The following NSUN6 variants were observed in gnomAD, a reference collection of about 807,000 sequenced individuals.
The protein encoded by NSUN6 is tRNA (cytosine(72)-C(5))-methyltransferase NSUN6.
NSUN6 carries 64 observed loss-of-function variants against 58.0 expected under a neutral mutation model. That is an observed-to-expected ratio of 1.10 (90% CI 0.90 to 1.36). NSUN6 has a LOEUF of 1.36. NSUN6 is among the 40% of genes most tolerant of loss of function. The pLI, the probability that NSUN6 is intolerant of heterozygous loss-of-function variation, is 0.00. For synonymous variants in NSUN6, 231 were observed against 193.9 expected (o/e 1.19, Z -1.59); for missense variants, 701 against 550.1 (o/e 1.27, Z -2.74).
chr10:18,642,551 A>C lies in NSUN6; in HGVS notation c.236T>G (p.Phe79Cys). 1 of 1,440,066 alleles carries C rather than the reference A, an allele frequency of 6.9e-7. No homozygotes were observed. Among genetic ancestry groups the C allele is most frequent in the Non-Finnish European group, 9.8e-7 (1 of 1,024,022 alleles). The allele number at this position is 1,440,066 out of a possible 1,614,324, so 89.2% of individuals were successfully genotyped here. ...AAGAATAGGAACACTTAATCCATTA[A>C]ACTGCTGTTAAAGATAAACATGATT... Reference protein sequence around the residue: ...NLLLDELQKQFNGLSVPILQH... With the variant: ...NLLLDELQKQCNGLSVPILQH... Residue 79 changes from phenylalanine (F) to cysteine (C), a missense_variant, in exon 3 of 11, where the codon TTT becomes TGT. By Grantham distance (205) the Phe-to-Cys change is radical. Coordinates refer to ENST00000377304, the MANE Select transcript of NSUN6 (RefSeq NM_182543.5).
intron 3 of NSUN6, among the ~76,000 whole-genome samples, chr10:18,636,029 C>T (rs1331175209): frequency 6.6e-6 from 1 of 151,268 alleles, no homozygotes; most frequent in Non-Finnish European, 1.5e-5. Flanking sequence ...TTCACAATAA[C>T]ATTTGATACC....
At chr10:18,614,657 C>A in intron 4 of NSUN6, 44 bp from the exon 5 acceptor site, 1 of 1,063,468 alleles carries the variant, frequency 9.4e-7, no homozygotes, top group Non-Finnish European at 1.3e-6. Flanking sequence ...TATACTTTGG[C>A]AGAAGAATCG....
At chr10:18,636,822 G>C (rs2059231217) in intron 3 of NSUN6, among the ~76,000 whole-genome samples, 1 of 151,486 alleles carries the variant, frequency 6.6e-6, no homozygotes, top group Non-Finnish European at 1.5e-5. Context: ...CTGGGAGGCG[G>C]AGCTTACAAT....
intron 3 of NSUN6, among the ~76,000 whole-genome samples, chr10:18,632,064 T>C (rs528050119): frequency 0.048 from 7,260 of 149,800 alleles, 276 homozygotes; most frequent in Non-Finnish European, 0.077. Context: ...GAGATATAGA[T>C]CAATGGAACA....
In NSUN6 at chr10:18,648,316, T is replaced by C. The variant is rs116590455; in HGVS notation, c.231+174A>G. ...TAAATTTAGAATCAGAAGTACTAGG[T>C]TCAAGTTCTAGCATTACCACCTAGG... On this transcript the variant is annotated intron_variant, in intron 2 of 10. Coordinates refer to ENST00000377304, the MANE Select transcript of NSUN6 (RefSeq NM_182543.5). Among the ~76,000 whole-genome samples, 611 of 152,292 alleles carry C rather than the reference T, an allele frequency of 4.0e-3. 6 individuals are homozygous for C. Among genetic ancestry groups the C allele is most frequent in the African/African-American group, 0.014 (567 of 41,566 alleles).
chr10:18,617,893 C>T (rs2058468960), intron 3 of NSUN6, among the ~76,000 whole-genome samples: 1 of 152,146 alleles, frequency 6.6e-6, no homozygotes, highest in South Asian at 2.1e-4. Context: ...CTACCATGTA[C>T]AGATGCAGCA....
At chr10:18,579,411 C>A (rs970822537) in intron 8 of NSUN6, among the ~76,000 whole-genome samples, 1 of 150,624 alleles carries the variant, frequency 6.6e-6, no homozygotes, top group African/African-American at 2.4e-5. Context: ...ACGTCGTGAT[C>A]CACCCGCCTC....
chr10:18,652,846 A>G, upstream of NSUN6: 1 of 954,284 alleles, frequency 1.0e-6, no homozygotes, highest in Non-Finnish European at 1.2e-6. Context: ...GGCGTGAGCC[A>G]CCACGCCCAG....
intron 7 of NSUN6, among the ~76,000 whole-genome samples, chr10:18,589,145 C>T (rs1007779015): frequency 2.0e-5 from 3 of 151,950 alleles, no homozygotes; most frequent in East Asian, 3.9e-4. Context: ...ATAGACAAAT[C>T]GATGAAGCAG....
rs1013327608 is a variant in NSUN6 at position 18,641,849 on chromosome 10, G to C, written c.311+627C>G. On this transcript the variant is annotated intron_variant, in intron 3 of 10. Transcript: ENST00000377304. ...TTTGAGAGGCTAAGGTGGGAGGATT[G>C]TTTGAGGCTAGGACTTCAATACCAG... 4.6e-5 allele frequency among the ~76,000 whole-genome samples: 7 copies of C among 152,260 alleles called. No homozygotes were observed. In the East Asian group the frequency reaches 1.2e-3, roughly 25 times the overall value.
intron 9 of NSUN6, 157 bp downstream of exon 9, chr10:18,551,666 A>T (rs1200844385): frequency 1.7e-6 from 1 of 579,224 alleles, no homozygotes; most frequent in Non-Finnish European, 3.1e-6. Flanking sequence ...GTATGGATAT[A>T]GCACATTCTG....
intron 8 of NSUN6, among the ~76,000 whole-genome samples, chr10:18,581,141 A>C (rs1445616272): frequency 6.6e-6 from 1 of 151,868 alleles, no homozygotes; most frequent in Non-Finnish European, 1.5e-5. Flanking sequence ...CGCACTTGGG[A>C]GGGGAGCGTG....
intron 3 of NSUN6, among the ~76,000 whole-genome samples, chr10:18,630,579 A>T (rs902465809): frequency 2.6e-5 from 4 of 152,238 alleles, no homozygotes; most frequent in Non-Finnish European, 5.9e-5. Flanking sequence ...GGATATCACC[A>T]CCAATCCCAC....
chr10:18,600,941 A>AATATATATAT (rs1170475510), intron 6 of NSUN6, among the ~76,000 whole-genome samples: 1 of 43,536 alleles, frequency 2.3e-5, no homozygotes, highest in African/African-American at 8.0e-5. Context: ...AAAAAAAAAA[A>AATATATATAT]ATATATATAT....
intron 7 of NSUN6, among the ~76,000 whole-genome samples, chr10:18,591,664 C>G (rs1018148443): frequency 6.6e-6 from 1 of 152,150 alleles, no homozygotes; most frequent in Non-Finnish European, 1.5e-5. Flanking sequence ...CCATAAAATT[C>G]AACATCCCTT....
At chr10:18,552,797 CCATT>C (rs760948891) in intron 8 of NSUN6, among the ~76,000 whole-genome samples, 31 of 151,800 alleles carry the variant, frequency 2.0e-4, no homozygotes, top group Non-Finnish European at 3.8e-4. Context: ...CCATTCTTCT[CCATT>C]CAAATTCCCT....
At chr10:18,639,968 A>T (rs571210092) in intron 3 of NSUN6, among the ~76,000 whole-genome samples, 5 of 152,328 alleles carry the variant, frequency 3.3e-5, no homozygotes, top group African/African-American at 9.6e-5. Context: ...CAAGTACACA[A>T]ATATTCACTC....
chr10:18,613,680 C>T (rs986845260), intron 5 of NSUN6, among the ~76,000 whole-genome samples: 1 of 152,268 alleles, frequency 6.6e-6, no homozygotes, highest in East Asian at 1.9e-4. Context: ...GAAAGTGCTG[C>T]TACCTAGATC....
At chr10:18,587,850 C>T (rs999114832) in intron 7 of NSUN6, among the ~76,000 whole-genome samples, 1 of 151,912 alleles carries the variant, frequency 6.6e-6, no homozygotes, top group Non-Finnish European at 1.5e-5. Flanking sequence ...ACTGGGCGGC[C>T]ATTTGGGCAG....
Sources: allele counts gnomAD v4.1 joint callset (sites outside exome capture counted in the v4.1 genomes callset), GRCh38; gene constraint gnomAD v4.1.1; transcripts MANE v1.5; gene names NCBI Gene and HGNC (gene_info 2026-07-23, HGNC 2026-07-21).